Variants in RBM47 observed in about 807,000 individuals in gnomAD.
The protein encoded by RBM47 is RNA-binding protein 47.
A neutral mutation model predicts 47.1 loss-of-function variants in RBM47; 21 were observed. The ratio of observed to expected loss-of-function variants is 0.45; its 90% confidence interval spans 0.32 to 0.64. The LOEUF is 0.64. Among genes scored for constraint, RBM47 ranks in the 30% least tolerant of loss-of-function variants. The pLI is 0.05. For missense variants in RBM47, 708 were observed against 870.9 expected (o/e 0.81, Z 2.35); for synonymous variants, 375 against 361.7 (o/e 1.04, Z -0.42).
intron 1 of RBM47, among the ~76,000 whole-genome samples, chr4:40,548,908 C>T (rs761993739): frequency 1.3e-5 from 2 of 152,102 alleles, no homozygotes; most frequent in African/African-American, 2.4e-5. Context: ...TCAAGTGATC[C>T]GCCCAACTTG....
intron 5 of RBM47, among the ~76,000 whole-genome samples, chr4:40,435,860 T>A: frequency 6.6e-6 from 1 of 151,686 alleles, no homozygotes; most frequent in East Asian, 1.9e-4. Flanking sequence ...GACAGCCCTT[T>A]GAAAACCTTA....
intron 2 of RBM47, among the ~76,000 whole-genome samples, chr4:40,474,300 C>G (rs183266159): frequency 6.6e-6 from 1 of 152,244 alleles, no homozygotes; most frequent in Admixed American, 6.5e-5. Context: ...GACAAGGTGG[C>G]TAGCAAGCGT....
At chr4:40,530,930 C>G (rs1449040459) in intron 2 of RBM47, among the ~76,000 whole-genome samples, 1 of 152,102 alleles carries the variant, frequency 6.6e-6, no homozygotes, top group Non-Finnish European at 1.5e-5. Flanking sequence ...TGAGACCTGT[C>G]TCTACAAAAA....
chr4:40,477,204 G>A (rs997344001), intron 2 of RBM47, among the ~76,000 whole-genome samples: 1 of 152,044 alleles, frequency 6.6e-6, no homozygotes, highest in Admixed American at 6.6e-5. Flanking sequence ...AAACAAAAAC[G>A]GCCAGAATGA....
chr4:40,460,750 T>C (rs554582781), intron 3 of RBM47, among the ~76,000 whole-genome samples: 57 of 151,978 alleles, frequency 3.8e-4, no homozygotes, highest in Admixed American at 3.2e-3. Flanking sequence ...TAGTCAGGCA[T>C]GGTGGCAGGC....
intron 1 of RBM47, among the ~76,000 whole-genome samples, chr4:40,558,062 T>C (rs1208400000): frequency 1.3e-5 from 2 of 152,224 alleles, no homozygotes; most frequent in East Asian, 1.9e-4. Context: ...GCTCCCATAG[T>C]GGAGTTTTGC....
At chr4:40,451,358 A>C (rs1430441468) in intron 3 of RBM47, among the ~76,000 whole-genome samples, 8 of 152,174 alleles carry the variant, frequency 5.3e-5, no homozygotes, top group Non-Finnish European at 1.0e-4. Flanking sequence ...CTTGTTAAGA[A>C]TGGTTCTGTT....
intron 1 of RBM47, among the ~76,000 whole-genome samples, chr4:40,555,655 GC>G (rs2154265289): frequency 6.6e-6 from 1 of 152,316 alleles, no homozygotes; most frequent in Admixed American, 6.5e-5. Flanking sequence ...AACTGGCAAC[GC>G]TAGGACTGCA....
intron 5 of RBM47, 111 bp from the exon 6 acceptor site, chr4:40,432,973 T>C: frequency 1.4e-6 from 2 of 1,430,142 alleles, no homozygotes; most frequent in Non-Finnish European, 1.8e-6. Context: ...AACTTTTCTT[T>C]TTTTTGAGAC....
At chr4:40,493,218 T>A (rs1163318041) in intron 2 of RBM47, among the ~76,000 whole-genome samples, 1 of 152,114 alleles carries the variant, frequency 6.6e-6, no homozygotes, top group Non-Finnish European at 1.5e-5. Context: ...GAATGACACA[T>A]GTAGACTGTC....
At chr4:40,571,221 A>AAAAAG (rs146883849) in intron 1 of RBM47, among the ~76,000 whole-genome samples, 17 of 151,722 alleles carry the variant, frequency 1.1e-4, no homozygotes, top group African/African-American at 3.6e-4. Flanking sequence ...ATCTCAAAAG[A>AAAAAG]AAAAGAAAAG....
chr4:40,531,219 AGAAG>A (rs1204560518), intron 2 of RBM47, among the ~76,000 whole-genome samples: 1 of 152,064 alleles, frequency 6.6e-6, no homozygotes, highest in Non-Finnish European at 1.5e-5. Flanking sequence ...GGTGACCTGG[AGAAG>A]GAAGGAGTTG....
chr4:40,602,799 A>T (rs1292318248), intron 1 of RBM47, among the ~76,000 whole-genome samples: 1 of 152,112 alleles, frequency 6.6e-6, no homozygotes, highest in Non-Finnish European at 1.5e-5. Flanking sequence ...AAACAGGAAA[A>T]GTTTTTATTT....
At chr4:40,575,551 T>G (rs1197206315) in intron 1 of RBM47, among the ~76,000 whole-genome samples, 1 of 46,924 alleles carries the variant, frequency 2.1e-5, no homozygotes, top group Admixed American at 2.2e-4. Context: ...AAACTCCATC[T>G]CAAAAAAAAA....
intron 3 of RBM47, among the ~76,000 whole-genome samples, chr4:40,452,136 C>T (rs1715537961): frequency 6.6e-6 from 1 of 150,838 alleles, no homozygotes; most frequent in African/African-American, 2.4e-5. Flanking sequence ...TGCCACTGCA[C>T]TCCAGCCTGG....
intron 2 of RBM47, among the ~76,000 whole-genome samples, chr4:40,511,153 T>A (rs1215867804): frequency 6.6e-6 from 1 of 152,254 alleles, no homozygotes; most frequent in African/African-American, 2.4e-5. Flanking sequence ...CGTGTAGTTC[T>A]GACTCCGAGC....
intron 1 of RBM47, among the ~76,000 whole-genome samples, chr4:40,617,062 G>A (rs1274520873): frequency 1.3e-5 from 2 of 151,458 alleles, no homozygotes; most frequent in Non-Finnish European, 2.9e-5. Flanking sequence ...TTTTAGTAGA[G>A]ACAGGATTTC....
intron 1 of RBM47, among the ~76,000 whole-genome samples, chr4:40,626,397 C>G (rs1737737758): frequency 6.6e-6 from 1 of 152,174 alleles, no homozygotes; most frequent in African/African-American, 2.4e-5. Flanking sequence ...TTGCAGTACA[C>G]TAGGAACATT....
intron 1 of RBM47, among the ~76,000 whole-genome samples, chr4:40,559,535 C>A (rs1730415246): frequency 6.6e-6 from 1 of 152,142 alleles, no homozygotes; most frequent in Non-Finnish European, 1.5e-5. Flanking sequence ...AAAAATAAGA[C>A]TGTTAAGGAA....
Sources: gnomAD v4.1 joint callset for allele counts (sites outside exome capture counted in the v4.1 genomes callset) on GRCh38, gnomAD v4.1.1 for gene constraint, MANE v1.5 for transcripts, NCBI Gene and HGNC (gene_info 2026-07-23, HGNC 2026-07-21) for gene names.